VPS41: variants seen among roughly 807,000 people sequenced by gnomAD.
The protein encoded by VPS41 is vacuolar protein sorting-associated protein 41 homolog.
In VPS41, 85 loss-of-function variants were observed where a neutral mutation model predicts 130.9. The ratio of observed to expected loss-of-function variants is 0.65; its 90% CI spans 0.55 to 0.78. VPS41 has a LOEUF of 0.78. VPS41 is among the 30% of genes least tolerant of loss of function. The pLI, the probability that VPS41 is intolerant of heterozygous loss-of-function variation, is 0.00. For synonymous variants in VPS41, 335 were observed against 332.9 expected, an observed-to-expected ratio of 1.01 and a Z score of -0.07; for missense variants, 874 against 1,018.7, an observed-to-expected ratio of 0.86 and a Z score of 1.93.
intron 16 of VPS41, among the ~76,000 whole-genome samples, chr7:38,764,767 A>G (rs926422040): frequency 9.2e-5 from 14 of 152,132 alleles, no homozygotes; most frequent in African/African-American, 3.1e-4. Context: ...AAAGGACTGA[A>G]TTTGGGAAGG....
At chr7:38,810,616 C>T (rs75133361) in intron 7 of VPS41, among the ~76,000 whole-genome samples, 5,025 of 152,130 alleles carry the variant, frequency 0.033, 291 homozygotes, top group African/African-American at 0.11. Flanking sequence ...ATAATTCCAA[C>T]GATTTATTTG....
chr7:38,740,378 A>C (rs1795857173), intron 25 of VPS41, among the ~76,000 whole-genome samples: 1 of 152,110 alleles, frequency 6.6e-6, no homozygotes, highest in African/African-American at 2.4e-5. Context: ...TGACCTTCAA[A>C]ATTAGTGACT....
At chr7:38,884,493 G>A (rs1406435439) in intron 2 of VPS41, among the ~76,000 whole-genome samples, 2 of 152,172 alleles carry the variant, frequency 1.3e-5, no homozygotes, top group African/African-American at 2.4e-5. Flanking sequence ...AACAAAAATT[G>A]TAAAGACAAA....
intron 10 of VPS41, among the ~76,000 whole-genome samples, chr7:38,786,971 T>C (rs1784449498): frequency 6.6e-6 from 1 of 152,196 alleles, no homozygotes; most frequent in Admixed American, 6.5e-5. Flanking sequence ...TTCAGGTCAC[T>C]GTTTTTTCAG....
Position 38,821,718 on chromosome 7 carries a change from A to AG in VPS41, c.322-454_322-453insC, listed in dbSNP as rs1349977182. On this transcript the variant is annotated intron_variant, in intron 5 of 28. Coordinates refer to ENST00000310301, the MANE Select transcript of VPS41 (RefSeq NM_014396.4). ...TGAGACTCCGTCTCAAAAAAAAAAA[A>AG]AAAGAAAAAGAAAAAGAAAAAAGAA... is the stretch of plus-strand genomic sequence containing the variant. Among the ~76,000 whole-genome samples the AG allele has an allele frequency of 5.8e-4, 78 of 133,850 alleles. No homozygotes were observed. The Middle Eastern group carries it at 0.012, about 20-fold the overall frequency. The allele number at this position is 133,850 out of a possible 152,430, so 87.8% of individuals were successfully genotyped here. A position where few individuals can be genotyped will look rare whatever the true frequency, so the allele number is the denominator to read the frequency against.
At chr7:38,766,411 A>G (rs765696832) in intron 15 of VPS41, among the ~76,000 whole-genome samples, 3 of 152,162 alleles carry the variant, frequency 2.0e-5, no homozygotes, top group Non-Finnish European at 4.4e-5. Flanking sequence ...TTTGAATCAT[A>G]AGCAGAGGCA....
At position 38,788,599 on chromosome 7, in the gene VPS41, T is replaced by C. The variant is rs114087749; in HGVS notation, c.784+1202A>G. ...GCATTGAGATGTTGAGAGGCTTTTG[T>C]TTTTCTTTTTATTTTCTAGTAGGCA... On this transcript the variant is annotated intron_variant, in intron 10 of 28. Transcript: ENST00000310301. Among the ~76,000 whole-genome samples, 482 of 152,318 alleles carry C rather than the reference T, an allele frequency of 3.2e-3. 1 individual carries two copies. Among genetic ancestry groups the C allele is most frequent in the African/African-American group, 0.011 (467 of 41,584 alleles).
intron 10 of VPS41, 106 bp from the exon 11 acceptor site, chr7:38,776,882 C>T (rs949483989): frequency 1.7e-6 from 1 of 590,222 alleles, no homozygotes; most frequent in African/African-American, 1.8e-5. Flanking sequence ...TTTTTAAAAG[C>T]TAACGTAAAG....
chr7:38,765,873 T>A, intron 15 of VPS41: 1 of 428,614 alleles, frequency 2.3e-6, no homozygotes, highest in Non-Finnish European at 4.1e-6. Context: ...CTTATAAAAG[T>A]TAATATAAAA....
chr7:38,799,069 C>G (rs1212211853), intron 7 of VPS41, among the ~76,000 whole-genome samples: 3 of 152,048 alleles, frequency 2.0e-5, no homozygotes, highest in African/African-American at 7.2e-5. Flanking sequence ...GGTTGGGTCC[C>G]CAAGCATGTA....
At chr7:38,795,383 C>G in intron 9 of VPS41, 82 bp downstream of exon 9, 1 of 1,258,598 alleles carries the variant, frequency 7.9e-7, no homozygotes, top group Non-Finnish European at 1.1e-6. Flanking sequence ...GTCCTAGAAG[C>G]CAATCAAGAC....
Position 38,756,859 on chromosome 7 carries a change from TA to T in VPS41, c.1673del (p.Leu558TyrfsTer2). 1 of 1,580,130 alleles carries T rather than the reference TA, an allele frequency of 6.3e-7. No individual in the cohort carries two copies. ...TTACCTCTGAATCAAAATCCATTAATAAAACAATTTTATCCTTGATAGAACT... is the reference window on the plus strand; with the variant it reads ...TTACCTCTGAATCAAAATCCATTAATAAACAATTTTATCCTTGATAGAACT... ...LFSSIKDKIV[L>X]LMDFDSEKAV... On this transcript the variant is annotated frameshift_variant, in exon 19 of 29. Transcript: ENST00000310301. LOFTEE classifies it high-confidence loss of function.
chr7:38,795,609 A>G lies in VPS41; in HGVS notation c.573T>C (p.Gly191=), dbSNP rs752895426. Residue 191 remains glycine (G), a splice_region_variant and synonymous_variant, in exon 9 of 29, where the codon GGT becomes GGC. Coordinates refer to ENST00000310301, the MANE Select transcript of VPS41 (RefSeq NM_014396.4). ...TTGAGATGATGTCAAAAATCTTCAC[A>G]CCCTGGAAAATAATACAGCAGTAAG... The part of the protein sequence containing the change: ...GHLIAWANNM[G]VKIFDIISKQ... 6.2e-7 allele frequency: 1 copy of G among 1,610,422 alleles called. No homozygotes were observed. The highest frequency in any genetic ancestry group is 2.2e-5 in the East Asian group (1 of 44,758).
intron 6 of VPS41, among the ~76,000 whole-genome samples, chr7:38,820,518 C>T (rs988410853): frequency 6.6e-5 from 10 of 152,178 alleles, no homozygotes; most frequent in African/African-American, 2.4e-4. Context: ...TGTATACAGT[C>T]ACCATATTAA....
chr7:38,755,199 T>C (rs1460160225), intron 19 of VPS41, among the ~76,000 whole-genome samples: 5 of 148,746 alleles, frequency 3.4e-5, no homozygotes, highest in African/African-American at 1.0e-4. Flanking sequence ...ACAAAACATC[T>C]TGACTGCCCA....
At chr7:38,869,305 A>AGGTTTTC in intron 2 of VPS41, 52 bp from the exon 3 acceptor site, 1 of 1,254,498 alleles carries the variant, frequency 8.0e-7, no homozygotes, top group Non-Finnish European at 1.1e-6. Flanking sequence ...ATTTGTTTTG[A>AGGTTTTC]AAACCTCAAA....
At chr7:38,755,587 A>G (rs1783774615) in intron 19 of VPS41, among the ~76,000 whole-genome samples, 1 of 152,192 alleles carries the variant, frequency 6.6e-6, no homozygotes, top group African/African-American at 2.4e-5. Context: ...GCCCTGTTCT[A>G]GACTCTGCTA....
At chr7:38,786,820 T>G (rs1400590503) in intron 10 of VPS41, among the ~76,000 whole-genome samples, 1 of 152,108 alleles carries the variant, frequency 6.6e-6, no homozygotes, top group Non-Finnish European at 1.5e-5. Context: ...ACATCACTCC[T>G]GGGCACACAC....
chr7:38,857,962 G>A (rs1786021558), intron 4 of VPS41, among the ~76,000 whole-genome samples: 1 of 152,240 alleles, frequency 6.6e-6, no homozygotes, highest in South Asian at 2.1e-4. Context: ...CTGGCAACTG[G>A]TTGAAAGAGT....
Sources: gnomAD v4.1 joint callset for allele counts (sites outside exome capture counted in the v4.1 genomes callset) on GRCh38, gnomAD v4.1.1 for gene constraint, MANE v1.5 for transcripts, NCBI Gene and HGNC (gene_info 2026-07-23, HGNC 2026-07-21) for gene names.